Variants in TDRD3 observed in about 807,000 individuals in gnomAD.
TDRD3 encodes the protein tudor domain-containing protein 3.
Under a neutral mutation model 86.7 loss-of-function variants are expected in TDRD3, and 45 were observed. That is an observed-to-expected ratio of 0.52 (90% confidence interval 0.41 to 0.67). TDRD3 has a LOEUF of 0.67. Among genes scored for constraint, TDRD3 ranks in the 30% least tolerant of loss-of-function variants. The pLI is 0.00. For synonymous variants in TDRD3, 298 were observed against 301.7 expected (o/e 0.99, Z 0.13); for missense variants, 814 against 889.0 (o/e 0.92, Z 1.07).
At chr13:60,464,490 A>G (rs549791308) in intron 4 of TDRD3, among the ~76,000 whole-genome samples, 6 of 152,292 alleles carry the variant, frequency 3.9e-5, no homozygotes, top group Non-Finnish European at 8.8e-5. Context: ...TACCCACGAT[A>G]TGGAATCAAC....
intron 3 of TDRD3, among the ~76,000 whole-genome samples, chr13:60,457,051 T>C (rs1381782241): frequency 6.6e-6 from 1 of 152,166 alleles, no homozygotes; most frequent in East Asian, 1.9e-4. Context: ...ATTTAAAAAA[T>C]TTTATTATGT....
chr13:60,460,343 A>G (rs1449158340), intron 3 of TDRD3, 37 bp from the exon 4 acceptor site: 3 of 1,533,800 alleles, frequency 2.0e-6, no homozygotes, highest in Non-Finnish European at 2.6e-6. Flanking sequence ...GAGTTTCATG[A>G]CTAGAAAGTG....
At chr13:60,478,020 A>C (rs570732210) in intron 5 of TDRD3, among the ~76,000 whole-genome samples, 1 of 148,052 alleles carries the variant, frequency 6.8e-6, no homozygotes, top group East Asian at 2.0e-4. Flanking sequence ...TTTGGTTAAG[A>C]GATTTTTTTT....
At chr13:60,483,649 A>G in intron 5 of TDRD3, 126 bp from the exon 6 acceptor site, 2 of 744,632 alleles carry the variant, frequency 2.7e-6, no homozygotes, top group Non-Finnish European at 4.1e-6. Context: ...TACTTCATGG[A>G]AGGCCTTTTT....
intron 12 of TDRD3, among the ~76,000 whole-genome samples, chr13:60,561,592 AAAAT>A (rs2137959803): frequency 6.6e-6 from 1 of 152,316 alleles, no homozygotes; most frequent in East Asian, 1.9e-4. Flanking sequence ...ATTTATCCTC[AAAAT>A]AAATAATAAA....
rs550377487 is a variant in TDRD3, at chr13:60,491,729, G to T, written c.718-2706G>T. Among the ~76,000 whole-genome samples, 44 of 151,958 alleles carry T rather than the reference G, an allele frequency of 2.9e-4. No individual in the cohort carries two copies. In the South Asian group the frequency reaches 9.0e-3, roughly 31 times the overall value. On this transcript the variant is annotated intron_variant, in intron 7 of 13. Coordinates refer to ENST00000377881, the MANE Select transcript of TDRD3 (RefSeq NM_001146070.2). ...TGGGGTTAAGATAAAGTATGACCAT[G>T]CATTTACCAACAGTGTGTGGGTTGA... is the stretch of plus-strand genomic sequence containing the variant.
chr13:60,522,758 G>A lies in TDRD3; in HGVS notation c.1142-5609G>A, dbSNP rs142449214. Among the ~76,000 whole-genome samples the A allele has an allele frequency of 7.2e-5, 11 of 152,302 alleles. No individual in the cohort carries two copies. The East Asian group carries it at 7.7e-4, about 11-fold the overall frequency. On this transcript the variant is annotated intron_variant, in intron 10 of 13. Coordinates refer to ENST00000377881, the MANE Select transcript of TDRD3 (RefSeq NM_001146070.2). ...AGGTCAGGATTCTGGCAGTCCTAGC[G>A]TCCAAATGTATTTTTCAGCCCCATC... is the stretch of plus-strand genomic sequence containing the variant.
intron 1 of TDRD3, among the ~76,000 whole-genome samples, chr13:60,406,396 T>G (rs1954234253): frequency 6.6e-6 from 1 of 152,212 alleles, no homozygotes; most frequent in South Asian, 2.1e-4. Flanking sequence ...TCTCAGTAAT[T>G]TTTATATTGA....
At chr13:60,523,264 T>C (rs761942677) in intron 10 of TDRD3, among the ~76,000 whole-genome samples, 1 of 152,212 alleles carries the variant, frequency 6.6e-6, no homozygotes, top group Non-Finnish European at 1.5e-5. Flanking sequence ...AAAGTATTAA[T>C]ATTTTAAGAT....
At chr13:60,548,937 A>T (rs1285676989) in intron 12 of TDRD3, among the ~76,000 whole-genome samples, 1 of 152,170 alleles carries the variant, frequency 6.6e-6, no homozygotes, top group Non-Finnish European at 1.5e-5. Flanking sequence ...GGAGATTATC[A>T]TTGTAGGATT....
intron 1 of TDRD3, among the ~76,000 whole-genome samples, chr13:60,422,450 T>C (rs1436026262): frequency 1.3e-5 from 2 of 152,072 alleles, no homozygotes; most frequent in Non-Finnish European, 2.9e-5. Flanking sequence ...AAATTCTTTT[T>C]CCCCAAAACA....
chr13:60,516,091 T>C (rs987010341), intron 10 of TDRD3, among the ~76,000 whole-genome samples: 1 of 152,248 alleles, frequency 6.6e-6, no homozygotes. Context: ...TGTGATTCAG[T>C]GATATGCATA....
chr13:60,500,160 G>T (rs1423219139), intron 8 of TDRD3, among the ~76,000 whole-genome samples: 1 of 152,086 alleles, frequency 6.6e-6, no homozygotes, highest in African/African-American at 2.4e-5. Context: ...GGGTTTTGGT[G>T]GAAACCGAAC....
At chr13:60,401,928 G>A (rs1331228679) in intron 1 of TDRD3, among the ~76,000 whole-genome samples, 1 of 151,964 alleles carries the variant, frequency 6.6e-6, no homozygotes, top group African/African-American at 2.4e-5. Flanking sequence ...ACAACCATGG[G>A]ATAAATAGAA....
chr13:60,493,116 C>T (rs1267313954), intron 7 of TDRD3, among the ~76,000 whole-genome samples: 1 of 151,452 alleles, frequency 6.6e-6, no homozygotes, highest in Non-Finnish European at 1.5e-5. Flanking sequence ...AACGGGGTTT[C>T]ACCGTGTTAG....
At chr13:60,541,316 C>T (rs56102831) in intron 12 of TDRD3, among the ~76,000 whole-genome samples, 3,012 of 151,720 alleles carry the variant, frequency 0.02, 55 homozygotes, top group Non-Finnish European at 0.028. Flanking sequence ...TACAGGCACC[C>T]GCCACTATCC....
intron 8 of TDRD3, among the ~76,000 whole-genome samples, chr13:60,502,372 C>T (rs537712205): frequency 7.0e-4 from 107 of 152,274 alleles, no homozygotes; most frequent in African/African-American, 2.5e-3. Context: ...AATTTAATGA[C>T]AAATGTATAA....
intron 10 of TDRD3, among the ~76,000 whole-genome samples, chr13:60,517,905 T>C (rs1008917046): frequency 6.6e-6 from 1 of 152,186 alleles, no homozygotes; most frequent in Non-Finnish European, 1.5e-5. Flanking sequence ...TGTTACTGCA[T>C]TTTACAAAAG....
intron 10 of TDRD3, among the ~76,000 whole-genome samples, chr13:60,526,019 C>G (rs539652111): frequency 6.6e-6 from 1 of 152,280 alleles, no homozygotes; most frequent in South Asian, 2.1e-4. Context: ...GCCACATCTG[C>G]CAAGCCTGGC....
Sources: gnomAD v4.1 joint callset for allele counts (sites outside exome capture counted in the v4.1 genomes callset) on GRCh38, gnomAD v4.1.1 for gene constraint, MANE v1.5 for transcripts, NCBI Gene and HGNC (gene_info 2026-07-23, HGNC 2026-07-21) for gene names.